Variants in MYOM3 observed in about 807,000 individuals in gnomAD.
The protein encoded by MYOM3 is myomesin 3, also known as myomesin-3.
MYOM3 carries 155 observed loss-of-function variants against 191.7 expected under a neutral mutation model. The observed-to-expected ratio is 0.81, with a 90% confidence interval of 0.71 to 0.92. MYOM3 has a LOEUF of 0.92. MYOM3 is among the 40% of genes least tolerant of loss of function. The pLI, the probability that MYOM3 is intolerant of heterozygous loss-of-function variation, is 0.00. For synonymous variants in MYOM3, 757 were observed against 762.9 expected, an observed-to-expected ratio of 0.99 and a Z score of 0.13; for missense variants, 1,889 against 1,890.6, an observed-to-expected ratio of 1.00 and a Z score of 0.02.
rs562645873 is a variant in MYOM3, at chr1:24,107,086, G to A, written c.389C>T (p.Thr130Met). 8.6e-5 allele frequency: 139 copies of A among 1,608,190 alleles called. No individual in the cohort carries two copies. Among genetic ancestry groups the A allele is most frequent in the Admixed American group, 8.2e-4 (49 of 59,564 alleles). Residue 130 changes from threonine to methionine, a missense_variant, in exon 4 of 37, where the codon ACG becomes ATG. By Grantham distance (81) the Thr-to-Met change is moderately conservative (BLOSUM62 -1). Transcript: ENST00000374434. Reference protein sequence around the residue: ...RLLRQRRDWKTLRRRTEEKVQ... With the variant: ...RLLRQRRDWKMLRRRTEEKVQ... ...CCACCCCCTTACCCGCCGCCTCAGC[G>A]TCTTCCAGTCCCGCCTCTGGCGCAG...
chr1:24,092,243 C>T lies in MYOM3; in HGVS notation c.1163G>A (p.Cys388Tyr). The stretch of plus-strand genomic sequence containing the variant: ...GGGCGGGGCCCAAGTCAGGATGAGG[C>T]AGTCTCTGTTCACATCCAGGCATCG... Reference protein sequence around the residue: ...NVRCLDVNRDCLILTWAPPSD... With the variant: ...NVRCLDVNRDYLILTWAPPSD... The change falls in exon 11 of 37, where the codon TGC becomes TAC. Residue 388 changes from cysteine (C) to tyrosine (Y), a missense_variant. Physicochemically the swap from Cys to Tyr is radical, Grantham distance 194. Coordinates refer to ENST00000374434, the MANE Select transcript of MYOM3 (RefSeq NM_152372.4). The T allele has an allele frequency of 7.0e-7, 1 of 1,429,926 alleles. No homozygotes were observed. Among genetic ancestry groups the T allele is most frequent in the Non-Finnish European group, 9.2e-7 (1 of 1,082,762 alleles). The allele number at this position is 1,429,926 out of a possible 1,614,324, so 88.6% of individuals were successfully genotyped here.
intron 27 of MYOM3, among the ~76,000 whole-genome samples, chr1:24,067,456 C>T (rs56266058): frequency 1.4e-4 from 15 of 110,410 alleles, no homozygotes; most frequent in South Asian, 6.3e-4. Flanking sequence ...TGTTTCCTTC[C>T]TTCTTTCTTT....
At chr1:24,075,174 C>G (rs868014886) in intron 22 of MYOM3, 145 bp downstream of exon 22, 8 of 731,350 alleles carry the variant, frequency 1.1e-5, no homozygotes, top group Middle Eastern at 4.1e-4. Flanking sequence ...AGGTGGCAGT[C>G]AGCGTCCTCA....
At chr1:24,062,833 T>C (rs1405518325) in intron 32 of MYOM3, among the ~76,000 whole-genome samples, 1 of 152,220 alleles carries the variant, frequency 6.6e-6, no homozygotes, top group African/African-American at 2.4e-5. Flanking sequence ...CTGATCCTGC[T>C]GTGGCCATAG....
At chr1:24,061,826 A>T in intron 33 of MYOM3, 120 bp downstream of exon 33, 1 of 1,098,732 alleles carries the variant, frequency 9.1e-7, no homozygotes, top group Non-Finnish European at 1.3e-6. Flanking sequence ...TCCAGAGCTC[A>T]AGCGATCCTC....
rs1643396266 is a variant in MYOM3 at position 24,063,410 on chromosome 1, T to A, written c.3661+82A>T. The stretch of plus-strand genomic sequence containing the variant: ...GGTTAGAAACTAAACCCACCCCCAA[T>A]AGCCAAGGCCAGTGTTAGGCTGCTT... On this transcript the variant is annotated intron_variant, in intron 31 of 36. Coordinates refer to ENST00000374434, the MANE Select transcript of MYOM3 (RefSeq NM_152372.4). This position sits in a 1 kb window ranked among gnomAD's most constrained non-coding sequence, Gnocchi z 4.5. 5 of 1,557,418 alleles carry A rather than the reference T, an allele frequency of 3.2e-6. No individual in the cohort carries two copies. The highest frequency in any genetic ancestry group is 4.4e-6 in the Non-Finnish European group (5 of 1,129,196).
At chr1:24,059,900 G>C (rs1643347844) in intron 35 of MYOM3, among the ~76,000 whole-genome samples, 1 of 152,142 alleles carries the variant, frequency 6.6e-6, no homozygotes, top group Admixed American at 6.5e-5. Context: ...CGATGCGGAT[G>C]GTGTCTGTCC....
rs1643319152 is a variant in MYOM3 at position 24,057,605 on chromosome 1, A to G, written c.4073T>C (p.Val1358Ala). The G allele has an allele frequency of 6.2e-7, 1 of 1,613,996 alleles. No individual in the cohort carries two copies. The highest frequency in any genetic ancestry group is 1.3e-5 in the African/African-American group (1 of 74,908). The change falls in exon 37 of 37, where the codon GTC becomes GCC. Residue 1358 changes from valine to alanine, a missense_variant. Val to Ala is a moderately conservative substitution (Grantham distance 64, BLOSUM62 0). Coordinates refer to ENST00000374434, the MANE Select transcript of MYOM3 (RefSeq NM_152372.4). ...EDKTLCLTCI[V>A]SGDPTPEISW... ...GATTTCAGGGGTGGGGTCTCCTGAG[A>G]CGATGCAAGTCAAGCACAGGGTCTG...
chr1:24,062,911 A>G (rs1480486053), intron 32 of MYOM3, among the ~76,000 whole-genome samples: 1 of 151,022 alleles, frequency 6.6e-6, no homozygotes, highest in Admixed American at 6.6e-5. Context: ...AAGCCTTTCT[A>G]CTCCTCCCAC....
In MYOM3 at chr1:24,090,957, C is replaced by T. The variant is rs1236917954; in HGVS notation, c.1272G>A (p.Glu424=). The change falls in exon 12 of 37, where the codon GAG becomes GAA. Residue 424 remains glutamate, a synonymous_variant. Transcript: ENST00000374434. The stretch of plus-strand genomic sequence containing the variant: ...GGCACCGACAAGTCCCTCCGGGGGC[C>T]TCATGGCAGGCGATCCATTCCCCAG... ...GESGEWIACH[E]APGGTCRCPI... The T allele has an allele frequency of 1.2e-6, 2 of 1,614,116 alleles. No individual in the cohort carries two copies. The highest frequency in any genetic ancestry group is 1.7e-5 in the Admixed American group (1 of 60,024).
intron 3 of MYOM3, 25 bp downstream of exon 3, chr1:24,107,968 T>C (rs1643998535): frequency 6.2e-7 from 1 of 1,604,052 alleles, no homozygotes. Context: ...CAGCCACGGC[T>C]CCCTGGGAAG....
Position 24,063,038 on chromosome 1 carries a change from C to G in MYOM3, c.3770+88G>C. On this transcript the variant is annotated intron_variant, in intron 32 of 36. Coordinates refer to ENST00000374434, the MANE Select transcript of MYOM3 (RefSeq NM_152372.4). This position sits in a 1 kb window ranked among gnomAD's most constrained non-coding sequence, Gnocchi z 4.5. ...GGACCAGAAACTCTGCTTGGAGGAC[C>G]AGGCAGGGAGAAGGGAGGGAGGCCC... 1.2e-6 allele frequency: 1 copy of G among 833,152 alleles called. No homozygotes were observed. Among genetic ancestry groups the G allele is most frequent in the South Asian group, 1.5e-5 (1 of 68,558 alleles). The allele number at this position is 833,152 out of a possible 1,614,324, so 51.6% of individuals were successfully genotyped here. A position where few individuals can be genotyped will look rare whatever the true frequency, so the allele number is the denominator to read the frequency against.
chr1:24,066,080 G>T (rs772374703), intron 28 of MYOM3, 79 bp from the exon 29 acceptor site: 1 of 898,560 alleles, frequency 1.1e-6, no homozygotes, highest in South Asian at 1.3e-5. Flanking sequence ...ACACTTTCAG[G>T]CATCTCAGTG....
chr1:24,085,848 C>A (rs552557734), intron 15 of MYOM3, among the ~76,000 whole-genome samples: 7 of 151,830 alleles, frequency 4.6e-5, no homozygotes, highest in African/African-American at 1.7e-4. Flanking sequence ...TGTGTGTGTG[C>A]GCGTGTGTAT....
chr1:24,059,401 G>C (rs6424150), intron 35 of MYOM3, among the ~76,000 whole-genome samples: 110,257 of 152,262 alleles, frequency 0.72, 40,097 homozygotes, highest in East Asian at 0.95. Context: ...TCCCAGAGTG[G>C]TGGGATTATA....
In MYOM3 at chr1:24,092,960, G is replaced by T; in HGVS notation, c.1077C>A (p.Tyr359Ter). Residue 359 changes from tyrosine to a stop codon, truncating the protein, a stop_gained, in exon 10 of 37, where the codon TAC becomes TAA. Transcript: ENST00000374434. LOFTEE classifies it high-confidence loss of function. The stretch of plus-strand genomic sequence containing the variant: ...CCATGCCCTCACCTCTCACAAGCAC[G>T]TAGGTGCTCTGTTCCCGGGGTCCGA... ...SPFGPREQST[Y>*]VLVRDAEAEN... 1 of 1,589,128 alleles carries T rather than the reference G, an allele frequency of 6.3e-7. No homozygotes were observed. Among genetic ancestry groups the T allele is most frequent in the Non-Finnish European group, 8.6e-7 (1 of 1,169,456 alleles).
intron 12 of MYOM3, 55 bp downstream of exon 12, chr1:24,090,742 C>T (rs867875109): frequency 4.4e-6 from 7 of 1,577,566 alleles, no homozygotes; most frequent in South Asian, 2.3e-5. Flanking sequence ...GTGAGACAGT[C>T]CTGAGGGTTC....
At chr1:24,067,409 TCC>T (rs761536493) in intron 27 of MYOM3, among the ~76,000 whole-genome samples, 1 of 105,252 alleles carries the variant, frequency 9.5e-6, no homozygotes, top group Non-Finnish European at 1.9e-5. Context: ...CTTCCTTCCT[TCC>T]TTCCTTCCTT....
chr1:24,091,181 C>G (rs1420840946), intron 11 of MYOM3, among the ~76,000 whole-genome samples, 185 bp from the exon 12 acceptor site: 12 of 152,236 alleles, frequency 7.9e-5, no homozygotes, highest in Non-Finnish European at 1.8e-4. Flanking sequence ...TTTTCACCAT[C>G]CCTGACACTG....
Sources: allele counts gnomAD v4.1 joint callset (sites outside exome capture counted in the v4.1 genomes callset), GRCh38; gene constraint gnomAD v4.1.1; non-coding constraint Gnocchi (gnomAD v3.1); transcripts MANE v1.5; gene names NCBI Gene and HGNC (gene_info 2026-07-23, HGNC 2026-07-21).